The following PARK7 variants were observed in gnomAD, a reference collection of about 807,000 sequenced individuals.
PARK7 encodes the protein Parkinson disease protein 7.
A neutral mutation model predicts 20.5 loss-of-function variants in PARK7; 14 were observed. The ratio of observed to expected loss-of-function variants is 0.68; its 90% CI spans 0.45 to 1.07. The LOEUF (loss-of-function observed/expected upper bound fraction) is 1.07. Ranked by LOEUF, PARK7 falls within the 50% of genes least tolerant of loss-of-function variation. The pLI is 0.00. For missense variants in PARK7, 234 were observed against 238.1 expected (o/e 0.98, Z 0.11); for synonymous variants, 98 against 84.3 (o/e 1.16, Z -0.89).
chr1:7,967,291 G>A (rs1476037881), intron 3 of PARK7, among the ~76,000 whole-genome samples: 1 of 152,046 alleles, frequency 6.6e-6, no homozygotes, highest in African/African-American at 2.4e-5. Flanking sequence ...GTGTATAAAT[G>A]CCACATTTTC....
intron 5 of PARK7, among the ~76,000 whole-genome samples, chr1:7,974,596 T>C (rs1252286180): frequency 6.6e-6 from 1 of 150,582 alleles, no homozygotes; most frequent in Non-Finnish European, 1.5e-5. Context: ...GCCACTGCTC[T>C]CCAGCCTGGG....
chr1:7,975,705 A>T (rs1029035883), intron 5 of PARK7, among the ~76,000 whole-genome samples: 1 of 152,176 alleles, frequency 6.6e-6, no homozygotes, highest in Non-Finnish European at 1.5e-5. Flanking sequence ...CAGTGATTTT[A>T]TTACCACCTT....
rs573772821 is a variant in PARK7, at chr1:7,985,305, C to G, written c.*251C>G. ...CTACTGATTGTTTCTTGTTTTGTCT[C>G]TCATTTCTTTTGTGAAATTAAATTC... is the stretch of plus-strand genomic sequence containing the variant. On this transcript the variant is annotated 3_prime_UTR_variant, in exon 7 of 7. Coordinates refer to ENST00000338639, the MANE Select transcript of PARK7 (RefSeq NM_007262.5). 4.0e-6 allele frequency: 2 copies of G among 502,650 alleles called. No individual in the cohort carries two copies. Among genetic ancestry groups the G allele is most frequent in the South Asian group, 2.1e-5 (1 of 48,428 alleles). The allele number at this position is 502,650 out of a possible 1,614,324, so 31.1% of individuals were successfully genotyped here.
At position 7,962,890 on chromosome 1, in the gene PARK7, G is replaced by T. The variant is rs1640239665; in HGVS notation, c.90+15G>T. 3 of 1,591,398 alleles carry T rather than the reference G, an allele frequency of 1.9e-6. No homozygotes were observed. Among genetic ancestry groups the T allele is most frequent in the Non-Finnish European group, 2.6e-6 (3 of 1,159,532 alleles). ...GGCGAGCTGGGGTAAGTCCCACATC[G>T]ATTTTTAGCCATTCCTGTTTTAAAT... On this transcript the variant is annotated intron_variant, in intron 2 of 6. Coordinates refer to ENST00000338639, the MANE Select transcript of PARK7 (RefSeq NM_007262.5).
intron 1 of PARK7, among the ~76,000 whole-genome samples, chr1:7,962,502 G>C (rs1336402567): frequency 2.6e-5 from 4 of 152,096 alleles, no homozygotes; most frequent in Non-Finnish European, 5.9e-5. Context: ...GGATTTAAGA[G>C]AACATGGTAG....
chr1:7,973,945 T>G (rs1640518533), intron 5 of PARK7, among the ~76,000 whole-genome samples: 1 of 151,116 alleles, frequency 6.6e-6, no homozygotes, highest in African/African-American at 2.4e-5. Context: ...TTTGGCTTAC[T>G]GTTTTGTGCT....
intron 3 of PARK7, 160 bp from the exon 4 acceptor site, chr1:7,969,185 G>A (rs749927838): frequency 4.2e-5 from 26 of 612,066 alleles, no homozygotes; most frequent in Middle Eastern, 4.5e-4. Flanking sequence ...ACACCATTCC[G>A]TCATGTGGAT....
At chr1:7,978,435 C>G (rs1179696784) in intron 6 of PARK7, among the ~76,000 whole-genome samples, 1 of 149,778 alleles carries the variant, frequency 6.7e-6, no homozygotes, top group Admixed American at 6.7e-5. Flanking sequence ...CTCTGTTGCC[C>G]AGGCTGGAAT....
At chr1:7,975,176 G>T (rs1578100184) in intron 5 of PARK7, among the ~76,000 whole-genome samples, 2 of 152,314 alleles carry the variant, frequency 1.3e-5, no homozygotes, top group East Asian at 3.9e-4. Flanking sequence ...AAGTGTTGCA[G>T]TTAGGGATTG....
chr1:7,962,654 C>T (rs1640232403), intron 1 of PARK7, 109 bp from the exon 2 acceptor site: 6 of 685,270 alleles, frequency 8.8e-6, no homozygotes, highest in East Asian at 8.2e-5. Context: ...AAACCGTTTC[C>T]CTAGGAAGTA....
Position 7,965,378 on chromosome 1 carries a change from G to T in PARK7, c.145G>T (p.Asp49Tyr). Residue 49 changes from aspartate (D) to tyrosine (Y), a missense_variant, in exon 3 of 7, where the codon GAT becomes TAT. Physicochemically the swap from Asp to Tyr is radical, Grantham distance 160. Transcript: ENST00000338639. Reference protein sequence around the residue: ...AGKDPVQCSRDVVICPDASLE... With the variant: ...AGKDPVQCSRYVVICPDASLE... ...AAAAGACCCAGTACAGTGTAGCCGT[G>T]ATGTGGTCATTTGTCCTGATGCCAG... The T allele has an allele frequency of 6.2e-7, 1 of 1,614,222 alleles. No individual in the cohort carries two copies. The highest frequency in any genetic ancestry group is 8.5e-7 in the Non-Finnish European group (1 of 1,180,038).
chr1:7,982,806 C>T (rs1440020906), intron 6 of PARK7: 1 of 152,156 alleles, frequency 6.6e-6, no homozygotes, highest in Non-Finnish European at 1.5e-5. Flanking sequence ...CTCTTTTTCT[C>T]TACAATAGTT....
intron 2 of PARK7, among the ~76,000 whole-genome samples, chr1:7,964,659 T>G (rs1465429241): frequency 6.6e-6 from 1 of 152,236 alleles, no homozygotes; most frequent in Non-Finnish European, 1.5e-5. Flanking sequence ...TTTTGCCAAG[T>G]TGCTCTCCAG....
At chr1:7,971,618 T>C (rs1339670122) in intron 5 of PARK7, 1 of 155,904 alleles carries the variant, frequency 6.4e-6, no homozygotes, top group Admixed American at 6.2e-5. Context: ...AGCACCTTCC[T>C]TGTTGTATAG....
chr1:7,982,420 C>T (rs542485696), intron 6 of PARK7, among the ~76,000 whole-genome samples: 2 of 152,282 alleles, frequency 1.3e-5, no homozygotes, highest in South Asian at 4.1e-4. Flanking sequence ...GTCACAATCC[C>T]AGCCTCCAGT....
intron 5 of PARK7, among the ~76,000 whole-genome samples, chr1:7,972,582 G>A (rs1217597701): frequency 6.6e-6 from 1 of 152,150 alleles, no homozygotes; most frequent in East Asian, 1.9e-4. Context: ...TTATTAGGTT[G>A]ATGTAAAAGT....
At chr1:7,982,527 TA>T (rs997326758) in intron 6 of PARK7, among the ~76,000 whole-genome samples, 2 of 152,178 alleles carry the variant, frequency 1.3e-5, no homozygotes. Context: ...TTCTCGTGGT[TA>T]AAAGTCTGAC....
intron 3 of PARK7, among the ~76,000 whole-genome samples, chr1:7,968,594 C>T (rs1369698202): frequency 6.6e-6 from 1 of 152,116 alleles, no homozygotes; most frequent in African/African-American, 2.4e-5. Flanking sequence ...CAGCTCACTG[C>T]AGCCTCTGCC....
intron 5 of PARK7, 119 bp from the exon 6 acceptor site, chr1:7,977,533 C>A: frequency 2.3e-6 from 2 of 852,504 alleles, no homozygotes; most frequent in Non-Finnish European, 1.9e-6. Flanking sequence ...AATTTTTCTA[C>A]CTAGGCCTCC....
Sources: allele counts gnomAD v4.1 joint callset (sites outside exome capture counted in the v4.1 genomes callset), GRCh38; gene constraint gnomAD v4.1.1; transcripts MANE v1.5; gene names NCBI Gene and HGNC (gene_info 2026-07-23, HGNC 2026-07-21).